The following PPARGC1A variants were observed in gnomAD, a reference collection of about 807,000 sequenced individuals.
The protein encoded by PPARGC1A is PPARG coactivator 1 alpha, also known as peroxisome proliferator-activated receptor gamma coactivator 1-alpha.
A neutral mutation model predicts 88.7 loss-of-function variants in PPARGC1A; 25 were observed. That is an observed-to-expected ratio of 0.28 (90% CI 0.21 to 0.39). The LOEUF is 0.39. PPARGC1A is among the 10% of genes least tolerant of loss of function. PPARGC1A has a pLI of 1.00. For synonymous variants in PPARGC1A, 363 were observed against 355.6 expected (o/e 1.02, Z -0.24); for missense variants, 880 against 968.7 (o/e 0.91, Z 1.22).
At chr4:24,339,217 T>C in the PPARGC1A span, among the ~76,000 whole-genome samples, 5 of 28,922 alleles carry the variant, frequency 1.7e-4, no homozygotes, top group Admixed American at 8.5e-4. Context: ...TGTGTGTATA[T>C]ATATATATAT....
At chr4:23,844,974 AG>A (rs1262696313) in intron 2 of PPARGC1A, among the ~76,000 whole-genome samples, 29 of 150,110 alleles carry the variant, frequency 1.9e-4, no homozygotes, top group Non-Finnish European at 3.2e-4. Flanking sequence ...GACAGGGAAA[AG>A]AGTAAGAGTA....
intron 2 of PPARGC1A, among the ~76,000 whole-genome samples, chr4:23,861,310 A>T (rs11724368): frequency 0.2 from 30,947 of 152,228 alleles, 3,569 homozygotes; most frequent in South Asian, 0.32. Flanking sequence ...ATTTTGATAC[A>T]GTCACCAGAC....
the PPARGC1A span, among the ~76,000 whole-genome samples, chr4:24,267,404 T>G: frequency 6.6e-6 from 1 of 152,136 alleles, no homozygotes; most frequent in African/African-American, 2.4e-5. Context: ...ACTCAGTAAA[T>G]GTAGGTTCCT....
chr4:24,429,059 G>A, the PPARGC1A span, among the ~76,000 whole-genome samples: 1 of 152,218 alleles, frequency 6.6e-6, no homozygotes, highest in Non-Finnish European at 1.5e-5. Context: ...TATTTGGCCT[G>A]GAACAGTGGC....
At chr4:24,330,240 T>C in the PPARGC1A span, among the ~76,000 whole-genome samples, 1 of 152,256 alleles carries the variant, frequency 6.6e-6, no homozygotes, top group Non-Finnish European at 1.5e-5. Context: ...GTGACTGCTT[T>C]GACCAATAGA....
chr4:24,169,471 T>C, the PPARGC1A span, among the ~76,000 whole-genome samples: 79 of 152,258 alleles, frequency 5.2e-4, no homozygotes, highest in African/African-American at 1.7e-3. Context: ...TAAGATGTTA[T>C]AACAGGGGAG....
chr4:23,855,805 T>G (rs991075185), intron 2 of PPARGC1A, among the ~76,000 whole-genome samples: 1 of 152,012 alleles, frequency 6.6e-6, no homozygotes, highest in Non-Finnish European at 1.5e-5. Flanking sequence ...GGGTGCCAGG[T>G]GTTGGTGGTT....
At chr4:23,824,149 A>G in intron 7 of PPARGC1A, 131 bp downstream of exon 7, 1 of 738,294 alleles carries the variant, frequency 1.4e-6, no homozygotes, top group East Asian at 2.7e-5. Context: ...ATTTGCAGAT[A>G]ACTTCTTATC....
the PPARGC1A span, among the ~76,000 whole-genome samples, chr4:24,387,868 G>GA: frequency 6.2e-4 from 50 of 80,612 alleles, no homozygotes; most frequent in African/African-American, 2.0e-3. Context: ...AAGAGAGAAA[G>GA]GAAGAAAGAG....
At chr4:24,298,994 A>AT in the PPARGC1A span, among the ~76,000 whole-genome samples, 1 of 152,184 alleles carries the variant, frequency 6.6e-6, no homozygotes, top group African/African-American at 2.4e-5. Flanking sequence ...ATAATGGCTA[A>AT]TAGGCCACTG....
the PPARGC1A span, among the ~76,000 whole-genome samples, chr4:24,032,062 T>C: frequency 6.6e-6 from 1 of 152,206 alleles, no homozygotes; most frequent in Non-Finnish European, 1.5e-5. Flanking sequence ...CTTCTAAATA[T>C]AAAGAAAACT....
chr4:24,119,232 C>G, the PPARGC1A span, among the ~76,000 whole-genome samples: 2 of 152,244 alleles, frequency 1.3e-5, no homozygotes, highest in African/African-American at 4.8e-5. Context: ...GCTGCCCCCA[C>G]CTTTGGATCA....
chr4:24,467,062 G>GAGAA, the PPARGC1A span, among the ~76,000 whole-genome samples: 99 of 127,242 alleles, frequency 7.8e-4, no homozygotes, highest in South Asian at 1.8e-3. Context: ...AAGAAAGAAA[G>GAGAA]AGAAAGAAAG....
chr4:24,136,898 G>A, the PPARGC1A span, among the ~76,000 whole-genome samples: 2 of 152,040 alleles, frequency 1.3e-5, no homozygotes, highest in African/African-American at 2.4e-5. Context: ...GGTGGATCAC[G>A]AGGTCAGGAG....
the PPARGC1A span, among the ~76,000 whole-genome samples, chr4:24,315,022 TA>T: frequency 7.5e-3 from 983 of 131,400 alleles, 2 homozygotes; most frequent in African/African-American, 0.011. Flanking sequence ...ATACAGACCT[TA>T]AAAAAAAAAA....
At chr4:24,219,420 G>A in the PPARGC1A span, among the ~76,000 whole-genome samples, 19 of 152,254 alleles carry the variant, frequency 1.2e-4, no homozygotes, top group Non-Finnish European at 2.1e-4. Flanking sequence ...TATCTCCTCC[G>A]TCATACTGGG....
the PPARGC1A span, among the ~76,000 whole-genome samples, chr4:24,258,952 T>C: frequency 6.6e-6 from 1 of 152,206 alleles, no homozygotes. Context: ...AAAATGTATA[T>C]GACATAGGTC....
chr4:24,206,634 C>T, the PPARGC1A span, among the ~76,000 whole-genome samples: 2 of 151,962 alleles, frequency 1.3e-5, no homozygotes, highest in Admixed American at 1.3e-4. Context: ...GAGTTCGAGA[C>T]CAGCCTGGCC....
At chr4:24,334,489 C>T in the PPARGC1A span, among the ~76,000 whole-genome samples, 5 of 152,184 alleles carry the variant, frequency 3.3e-5, no homozygotes, top group Non-Finnish European at 5.9e-5. Flanking sequence ...AAAGACAAGG[C>T]AGAATTCTAG....
Sources: allele counts gnomAD v4.1 joint callset (sites outside exome capture counted in the v4.1 genomes callset), GRCh38; gene constraint gnomAD v4.1.1; transcripts MANE v1.5; gene names NCBI Gene and HGNC (gene_info 2026-07-23, HGNC 2026-07-21).